DYNC2H1: variants seen among roughly 807,000 people sequenced by gnomAD.
DYNC2H1 encodes the protein dynein cytoplasmic 2 heavy chain 1, also known as cytoplasmic dynein 2 heavy chain 1.
In DYNC2H1, 410 loss-of-function variants were observed where a neutral mutation model predicts 570.0. The ratio of observed to expected loss-of-function variants is 0.72; its 90% confidence interval spans 0.66 to 0.78. The LOEUF is 0.78. DYNC2H1 is among the 30% of genes least tolerant of loss of function. DYNC2H1 has a pLI of 0.00. For missense variants in DYNC2H1, 4,865 were observed against 5,046.4 expected (o/e 0.96, Z 1.09); for synonymous variants, 1,688 against 1,677.6 (o/e 1.01, Z -0.15).
chr11:103,158,489 A>T (rs1302186935), intron 26 of DYNC2H1, among the ~76,000 whole-genome samples, 188 bp from the exon 27 acceptor site: 1 of 152,258 alleles, frequency 6.6e-6, no homozygotes, highest in East Asian at 1.9e-4. Flanking sequence ...AATATATAAG[A>T]TAATTTAAAA....
chr11:103,354,340 A>G (rs1940221690), intron 82 of DYNC2H1, among the ~76,000 whole-genome samples: 1 of 151,644 alleles, frequency 6.6e-6, no homozygotes, highest in African/African-American at 2.4e-5. Context: ...TGGAAAATTT[A>G]TTCTATACTT....
In DYNC2H1 at chr11:103,125,269, T is replaced by G; in HGVS notation, c.1831T>G (p.Cys611Gly). Reference protein sequence around the residue: ...QQVANIAQKFCKQAIILKQVA... With the variant: ...QQVANIAQKFGKQAIILKQVA... ...AGTTGCAAACATTGCACAGAAATTC[T>G]GCAAGCAAGCAATTATTCTTAAACA... is the stretch of plus-strand genomic sequence containing the variant. Residue 611 changes from cysteine to glycine, a missense_variant, in exon 12 of 89, where the codon TGC (cysteine) becomes GGC (glycine). Physicochemically the swap from Cys to Gly is radical, Grantham distance 159 (BLOSUM62 -3). Around this residue, in one of 5 missense-constraint regions of DYNC2H1, gnomAD observed 1,936 missense variants for 1,962.1 expected, o/e 0.99. Transcript: ENST00000375735. The G allele has an allele frequency of 6.2e-7, 1 of 1,609,002 alleles. No individual in the cohort carries two copies. Among genetic ancestry groups the G allele is most frequent in the Middle Eastern group, 1.7e-4 (1 of 6,054 alleles).
At chr11:103,411,821 ATAAAG>A (rs1481248855) in intron 84 of DYNC2H1, among the ~76,000 whole-genome samples, 11 of 152,140 alleles carry the variant, frequency 7.2e-5, no homozygotes, top group African/African-American at 2.7e-4. Context: ...ATTTCAATAT[ATAAAG>A]TATTCTATAT....
At chr11:103,220,548 A>G in intron 56 of DYNC2H1, 75 bp from the exon 57 acceptor site, 1 of 1,402,268 alleles carries the variant, frequency 7.1e-7, no homozygotes, top group South Asian at 1.5e-5. Flanking sequence ...ATGACAATAA[A>G]ACATAATTTT....
In DYNC2H1 at chr11:103,325,056, C is replaced by T. The variant is rs10791612; in HGVS notation, c.12039+1066C>T. Among the ~76,000 whole-genome samples the T allele has an allele frequency of 0.1, 15,217 of 151,908 alleles. 871 individuals are homozygous for T. The highest frequency in any genetic ancestry group is 0.23 in the East Asian group (1,167 of 5,162). On this transcript the variant is annotated intron_variant, in intron 82 of 88. Transcript: ENST00000375735. The surrounding 1 kb of genome is among the most constrained non-coding windows in gnomAD (Gnocchi z 4.8). The stretch of plus-strand genomic sequence containing the variant: ...TGTTTTTTGCCCACTTTTTAATGGG[C>T]TTGTTTGTTTTTTGCTTGTTAATTT...
chr11:103,199,102 T>A lies in DYNC2H1; in HGVS notation c.7840-126T>A. 5.1e-6 allele frequency: 3 copies of A among 590,772 alleles called. No individual in the cohort carries two copies. Among genetic ancestry groups the A allele is most frequent in the Non-Finnish European group, 8.2e-6 (3 of 367,406 alleles). The allele number at this position is 590,772 out of a possible 1,614,324, so 36.6% of individuals were successfully genotyped here. A position where few individuals can be genotyped will look rare whatever the true frequency, so the allele number is the denominator to read the frequency against. On this transcript the variant is annotated intron_variant, in intron 48 of 88. Transcript: ENST00000375735. This position sits in a 1 kb window ranked among gnomAD's most constrained non-coding sequence, Gnocchi z 4.6. Reference sequence around the variant, plus strand: ...ATATAAAATATTGAGTGTGAGATGATATGTAGTCACTTTACTTTTTTTCTT... The same window carrying A: ...ATATAAAATATTGAGTGTGAGATGAAATGTAGTCACTTTACTTTTTTTCTT...
chr11:103,349,651 A>G (rs1393780939), intron 82 of DYNC2H1, among the ~76,000 whole-genome samples: 7 of 152,214 alleles, frequency 4.6e-5, no homozygotes, highest in South Asian at 2.1e-4. Context: ...CTGTGTGAGT[A>G]TGAATTTATA....
At chr11:103,398,973 A>T (rs759168517) in intron 83 of DYNC2H1, among the ~76,000 whole-genome samples, 1 of 152,086 alleles carries the variant, frequency 6.6e-6, no homozygotes, top group Non-Finnish European at 1.5e-5. Context: ...TTATTTTAAA[A>T]CCATGATCTC....
In DYNC2H1 at chr11:103,171,008, C is replaced by G. The variant is rs753679460; in HGVS notation, c.5274C>G (p.Ile1758Met). The G allele has an allele frequency of 2.5e-6, 4 of 1,611,898 alleles. No individual in the cohort carries two copies. Among genetic ancestry groups the G allele is most frequent in the South Asian group, 1.1e-5 (1 of 90,804 alleles). Residue 1758 changes from isoleucine to methionine, a missense_variant, in exon 34 of 89, where the codon ATC becomes ATG. By Grantham distance (10) the Ile-to-Met change is conservative. Around this residue, in one of 5 missense-constraint regions of DYNC2H1, gnomAD observed 292 missense variants for 300.2 expected, o/e 0.97. Transcript: ENST00000375735. The stretch of plus-strand genomic sequence containing the variant: ...TACTGTCAGCAGTTTCTATGCAAAT[C>G]CAGACAATTCAAGATGCTTTGAAGA... ...ESVLSAVSMQ[I>M]QTIQDALKNH...
chr11:103,185,140 G>A lies in DYNC2H1; in HGVS notation c.6633+89G>A. The A allele has an allele frequency of 8.2e-7, 1 of 1,224,652 alleles. No individual in the cohort carries two copies. The highest frequency in any genetic ancestry group is 1.1e-6 in the Non-Finnish European group (1 of 902,188). 75.9% of individuals were successfully genotyped at this position (1,224,652 alleles called of 1,614,324 possible). A position where few individuals can be genotyped will look rare whatever the true frequency, so the allele number is the denominator to read the frequency against. On this transcript the variant is annotated intron_variant, in intron 41 of 88. Coordinates refer to ENST00000375735, the MANE Select transcript of DYNC2H1 (RefSeq NM_001377.3). This position sits in a 1 kb window ranked among gnomAD's most constrained non-coding sequence, Gnocchi z 4.5. ...AAAACACAATGATTTGTAACTGTAA[G>A]ATATGGAACTTTTAAAATTTGAAAT...
intron 82 of DYNC2H1, among the ~76,000 whole-genome samples, chr11:103,333,056 A>G (rs1021831998): frequency 1.5e-5 from 2 of 136,506 alleles, no homozygotes; most frequent in South Asian, 2.4e-4. Flanking sequence ...AGCAGACTTT[A>G]TAAGATTGTT....
chr11:103,354,830 G>A (rs1420336047), intron 82 of DYNC2H1, among the ~76,000 whole-genome samples: 3 of 132,690 alleles, frequency 2.3e-5, no homozygotes, highest in Non-Finnish European at 4.7e-5. Context: ...TTTCCTCAAT[G>A]TTCTCCAATT....
In DYNC2H1 at chr11:103,414,877, A is replaced by G. The variant is rs1031832445; in HGVS notation, c.12366+15005A>G. 2.6e-5 allele frequency among the ~76,000 whole-genome samples: 4 copies of G among 152,170 alleles called. No individual in the cohort carries two copies. In the South Asian group the frequency reaches 8.3e-4, roughly 32 times the overall value. On this transcript the variant is annotated intron_variant, in intron 84 of 88. Transcript: ENST00000375735. ...CGATAAAACCACTGCTCAAGGAAAT[A>G]AGACAGGACACAAACAAATAGAAAA...
chr11:103,345,213 A>G (rs1939681912), intron 82 of DYNC2H1, among the ~76,000 whole-genome samples: 1 of 151,038 alleles, frequency 6.6e-6, no homozygotes, highest in South Asian at 2.1e-4. Flanking sequence ...ATTGTACAAT[A>G]TTTCATTATG....
chr11:103,384,385 C>G (rs565293603), intron 83 of DYNC2H1, among the ~76,000 whole-genome samples: 3 of 151,962 alleles, frequency 2.0e-5, no homozygotes, highest in Non-Finnish European at 4.4e-5. Context: ...TTAACTTTCT[C>G]GAGTTTTTCT....
Position 103,209,965 on chromosome 11 carries a change from T to C in DYNC2H1, c.8539+5T>C, listed in dbSNP as rs765643615. The stretch of plus-strand genomic sequence containing the variant: ...AAGAAAAGAAAAAAAATTCAGGTAG[T>C]ATTTTGATAAAATCAGTTTGATCTG... On this transcript the variant is annotated splice_donor_5th_base_variant and intron_variant, in intron 53 of 88. Coordinates refer to ENST00000375735, the MANE Select transcript of DYNC2H1 (RefSeq NM_001377.3). This position sits in a 1 kb window ranked among gnomAD's most constrained non-coding sequence, Gnocchi z 4.2. The C allele has an allele frequency of 7.5e-5, 111 of 1,480,900 alleles. No individual in the cohort carries two copies. The highest frequency in any genetic ancestry group is 1.7e-4 in the Middle Eastern group (1 of 5,800). The allele number at this position is 1,480,900 out of a possible 1,614,324, so 91.7% of individuals were successfully genotyped here.
At chr11:103,389,979 T>C (rs1029172995) in intron 83 of DYNC2H1, among the ~76,000 whole-genome samples, 7 of 152,328 alleles carry the variant, frequency 4.6e-5, no homozygotes, top group Admixed American at 1.3e-4. Context: ...TTCTGTTGAT[T>C]TTGGGTGGAG....
chr11:103,297,009 G>A (rs1866859446), intron 75 of DYNC2H1, among the ~76,000 whole-genome samples: 1 of 151,602 alleles, frequency 6.6e-6, no homozygotes, highest in South Asian at 2.1e-4. Context: ...TTTTACTATA[G>A]TTTTACCCTG....
chr11:103,368,298 A>G (rs1241900950), intron 83 of DYNC2H1, among the ~76,000 whole-genome samples: 1 of 152,126 alleles, frequency 6.6e-6, no homozygotes, highest in African/African-American at 2.4e-5. Context: ...AGCTTTTCTA[A>G]CTGGAATGAG....
Sources: allele counts gnomAD v4.1 joint callset (sites outside exome capture counted in the v4.1 genomes callset), GRCh38; gene constraint gnomAD v4.1.1; regional missense constraint gnomAD v4.1.1; non-coding constraint Gnocchi (gnomAD v3.1); transcripts MANE v1.5; gene names NCBI Gene and HGNC (gene_info 2026-07-23, HGNC 2026-07-21).